Variants in ATXN7L1 observed in about 807,000 individuals in gnomAD.
ATXN7L1 encodes ataxin 7 like 1, also known as ataxin-7-like protein 1.
A neutral mutation model predicts 70.8 loss-of-function variants in ATXN7L1; 15 were observed. That is an observed-to-expected ratio of 0.21 (90% CI 0.14 to 0.33). ATXN7L1 has a LOEUF of 0.33. ATXN7L1 is among the 10% of genes least tolerant of loss of function. The probability of loss-of-function intolerance (pLI) is 1.00; values close to 1 mark genes in which losing one functional copy is unlikely to be tolerated. For synonymous variants in ATXN7L1, 440 were observed against 445.1 expected (o/e 0.99, Z 0.14); for missense variants, 975 against 1,097.1 (o/e 0.89, Z 1.57).
chr7:105,724,620 G>A (rs1195315714), intron 3 of ATXN7L1, among the ~76,000 whole-genome samples: 1 of 150,014 alleles, frequency 6.7e-6, no homozygotes, highest in Admixed American at 6.6e-5. Flanking sequence ...CGGGCGTGGT[G>A]GCTCACGCCT....
chr7:105,613,228 T>C (rs1287364937), intron 10 of ATXN7L1, among the ~76,000 whole-genome samples: 1 of 152,130 alleles, frequency 6.6e-6, no homozygotes, highest in Admixed American at 6.5e-5. Flanking sequence ...CCATACACAC[T>C]CCTATCTGCA....
At chr7:105,809,022 C>T (rs1808031461) in intron 2 of ATXN7L1, among the ~76,000 whole-genome samples, 4 of 152,190 alleles carry the variant, frequency 2.6e-5, no homozygotes. Flanking sequence ...GGATGCACCT[C>T]CCCATATTGC....
chr7:105,672,675 C>T (rs1803949950), intron 3 of ATXN7L1, among the ~76,000 whole-genome samples: 1 of 152,170 alleles, frequency 6.6e-6, no homozygotes, highest in African/African-American at 2.4e-5. Flanking sequence ...GGCTCTACCA[C>T]CTTGGAATCC....
intron 2 of ATXN7L1, among the ~76,000 whole-genome samples, chr7:105,798,146 AGGCATGATCCAG>A (rs1806272755): frequency 6.6e-6 from 1 of 152,236 alleles, no homozygotes; most frequent in Admixed American, 6.5e-5. Flanking sequence ...AGGGAATCTA[AGGCATGATCCAG>A]GTGAGCCGTC....
intron 3 of ATXN7L1, among the ~76,000 whole-genome samples, chr7:105,773,989 G>C (rs75116381): frequency 1.3e-5 from 2 of 152,122 alleles, no homozygotes; most frequent in Admixed American, 1.3e-4. Flanking sequence ...CCACAGAGGA[G>C]GGCAGCTCTG....
Position 105,815,988 on chromosome 7 carries a change from C to T in ATXN7L1, c.251-27280G>A, listed in dbSNP as rs189299247. On this transcript the variant is annotated intron_variant, in intron 2 of 11. Transcript: ENST00000419735. ...CAAAAAGTTATGTAAGAAAGGAAAC[C>T]TAATCCCAGTACACTGGTTGGCTCC... Among the ~76,000 whole-genome samples, 516 of 152,268 alleles carry T rather than the reference C, an allele frequency of 3.4e-3. 2 individuals carry two copies. The highest frequency in any genetic ancestry group is 5.4e-3 in the Admixed American group (82 of 15,298).
At chr7:105,627,279 G>A (rs1214217807) in intron 7 of ATXN7L1, among the ~76,000 whole-genome samples, 1 of 152,122 alleles carries the variant, frequency 6.6e-6, no homozygotes, top group Non-Finnish European at 1.5e-5. Flanking sequence ...CTGTCACCCA[G>A]GCTGGAGTGC....
At chr7:105,748,156 T>C (rs1432969889) in intron 3 of ATXN7L1, among the ~76,000 whole-genome samples, 1 of 151,618 alleles carries the variant, frequency 6.6e-6, no homozygotes, top group African/African-American at 2.4e-5. Context: ...TTGATGATTG[T>C]TGTGGTGTAA....
At position 105,614,447 on chromosome 7, in the gene ATXN7L1, G is replaced by A. The variant is rs952229098; in HGVS notation, c.1887C>T (p.Val629=). ...SKTKTSKSSK[V]KDLSTRSDES... ...CGTCGCTACGGGTGGACAGGTCTTT[G>A]ACTTTTGAGGATTTGCTGGTTTTGG... The change falls in exon 10 of 12, where the codon GTC becomes GTT. Residue 629 remains valine (V), a synonymous_variant. Transcript: ENST00000419735. The surrounding 1 kb of genome is among the most constrained non-coding windows in gnomAD (Gnocchi z 4.3). 7 of 1,542,840 alleles carry A rather than the reference G, an allele frequency of 4.5e-6. No homozygotes were observed. In the Admixed American group the frequency reaches 1.4e-4, roughly 31 times the overall value.
chr7:105,627,404 T>G (rs549808809), intron 7 of ATXN7L1, among the ~76,000 whole-genome samples: 1 of 152,130 alleles, frequency 6.6e-6, no homozygotes, highest in East Asian at 1.9e-4. Flanking sequence ...CTGGCTAATT[T>G]TAAAATTTTT....
intron 3 of ATXN7L1, among the ~76,000 whole-genome samples, chr7:105,681,721 C>T (rs1231079549): frequency 6.6e-6 from 1 of 152,164 alleles, no homozygotes; most frequent in Non-Finnish European, 1.5e-5. Flanking sequence ...GAAATTCTGA[C>T]ACATGCTACA....
At chr7:105,695,666 T>C (rs978582167) in intron 3 of ATXN7L1, among the ~76,000 whole-genome samples, 1 of 152,130 alleles carries the variant, frequency 6.6e-6, no homozygotes, top group Non-Finnish European at 1.5e-5. Flanking sequence ...GCTTAGCACA[T>C]GGTTTGGGGG....
chr7:105,696,226 G>A (rs1054200269), intron 3 of ATXN7L1, among the ~76,000 whole-genome samples: 8 of 152,224 alleles, frequency 5.3e-5, no homozygotes, highest in African/African-American at 1.9e-4. Context: ...GACTGGAAAT[G>A]CTCTGCAGCT....
chr7:105,748,032 T>C (rs910409081), intron 3 of ATXN7L1, among the ~76,000 whole-genome samples: 1 of 151,332 alleles, frequency 6.6e-6, no homozygotes, highest in African/African-American at 2.4e-5. Context: ...GGCAGGGAAT[T>C]GCTTGAACCT....
intron 3 of ATXN7L1, among the ~76,000 whole-genome samples, chr7:105,738,706 C>T (rs373537506): frequency 4.6e-5 from 7 of 152,198 alleles, no homozygotes; most frequent in African/African-American, 1.4e-4. Flanking sequence ...CCCCTCTGCA[C>T]GGTATCTGTG....
chr7:105,829,542 G>T (rs1436783782), intron 2 of ATXN7L1, among the ~76,000 whole-genome samples: 2 of 152,126 alleles, frequency 1.3e-5, no homozygotes, highest in Admixed American at 6.5e-5. Context: ...GGAAGGAGGG[G>T]AAATACTGGG....
At chr7:105,728,541 A>G (rs1056084683) in intron 3 of ATXN7L1, among the ~76,000 whole-genome samples, 1 of 152,218 alleles carries the variant, frequency 6.6e-6, no homozygotes, top group Admixed American at 6.5e-5. Context: ...TATGATACCT[A>G]TTTATAGCTA....
At chr7:105,731,705 G>A (rs1023802804) in intron 3 of ATXN7L1, among the ~76,000 whole-genome samples, 8 of 126,776 alleles carry the variant, frequency 6.3e-5, no homozygotes, top group African/African-American at 2.5e-4. Flanking sequence ...AAAGTGCTGG[G>A]ATTATAGGCG....
In ATXN7L1 at chr7:105,606,137, T is replaced by C. The variant is rs1283705131; in HGVS notation, c.*1715A>G. 2 of 152,146 alleles carry C rather than the reference T, an allele frequency of 1.3e-5. No individual in the cohort carries two copies. Among genetic ancestry groups the C allele is most frequent in the African/African-American group, 2.4e-5 (1 of 41,438 alleles). The allele number at this position is 152,146 out of a possible 1,614,324, so 9.4% of individuals were successfully genotyped here. On this transcript the variant is annotated 3_prime_UTR_variant, in exon 12 of 12. Coordinates refer to ENST00000419735, the MANE Select transcript of ATXN7L1 (RefSeq NM_020725.2). Reference sequence around the variant, plus strand: ...AGACGTAAATAAACCAGCATATAAGTGCACTTTTAACACTGTAGAAATAAA... The same window carrying C: ...AGACGTAAATAAACCAGCATATAAGCGCACTTTTAACACTGTAGAAATAAA...
Sources: gnomAD v4.1 joint callset for allele counts (sites outside exome capture counted in the v4.1 genomes callset) on GRCh38, gnomAD v4.1.1 for gene constraint, Gnocchi (gnomAD v3.1) non-coding constraint, MANE v1.5 for transcripts, NCBI Gene and HGNC (gene_info 2026-07-23, HGNC 2026-07-21) for gene names.